The following ZHX3 variants were observed in gnomAD, a reference collection of about 807,000 sequenced individuals.
The protein encoded by ZHX3 is zinc fingers and homeoboxes 3, also known as zinc fingers and homeoboxes protein 3.
In ZHX3, 20 loss-of-function variants were observed where a neutral mutation model predicts 64.5. That is an observed-to-expected ratio of 0.31 (90% CI 0.22 to 0.45). The LOEUF is 0.45. Among genes scored for constraint, ZHX3 ranks in the 20% least tolerant of loss-of-function variants. The probability of loss-of-function intolerance (pLI) is 1.00; values close to 1 mark genes in which losing one functional copy is unlikely to be tolerated. For missense variants in ZHX3, 1,041 were observed against 1,195.8 expected, an observed-to-expected ratio of 0.87 and a Z score of 1.91; for synonymous variants, 423 against 461.6, an observed-to-expected ratio of 0.92 and a Z score of 1.07.
At chr20:41,292,037 A>AAG (rs56845073) in intron 1 of ZHX3, among the ~76,000 whole-genome samples, 1 of 147,984 alleles carries the variant, frequency 6.8e-6, no homozygotes, top group Admixed American at 6.7e-5. Context: ...AAAAAAAAAA[A>AAG]GAGTTCTATA....
At chr20:41,284,448 C>T (rs1321355321) in intron 1 of ZHX3, among the ~76,000 whole-genome samples, 1 of 152,128 alleles carries the variant, frequency 6.6e-6, no homozygotes, top group East Asian at 1.9e-4. Context: ...TCATCATCTC[C>T]CTTAGGCCTG....
At chr20:41,307,842 A>G (rs2045024043) in intron 1 of ZHX3, among the ~76,000 whole-genome samples, 1 of 152,176 alleles carries the variant, frequency 6.6e-6, no homozygotes, top group African/African-American at 2.4e-5. Context: ...ATCCTATAAC[A>G]TTTTGATTAT....
chr20:41,207,700 T>C (rs1338967817), intron 2 of ZHX3, among the ~76,000 whole-genome samples: 1 of 152,248 alleles, frequency 6.6e-6, no homozygotes, highest in Non-Finnish European at 1.5e-5. Context: ...AAGCAGTGTG[T>C]AGAGGGAAAT....
chr20:41,305,019 A>G (rs530361312), intron 1 of ZHX3, among the ~76,000 whole-genome samples: 2 of 152,378 alleles, frequency 1.3e-5, no homozygotes, highest in Admixed American at 1.3e-4. Flanking sequence ...AACAAGGACC[A>G]TTACACAGAT....
chr20:41,283,121 C>T (rs1461754709), intron 1 of ZHX3, among the ~76,000 whole-genome samples: 1 of 152,124 alleles, frequency 6.6e-6, no homozygotes, highest in Non-Finnish European at 1.5e-5. Flanking sequence ...GTTGCCCAGG[C>T]TGGTCTTGAA....
At position 41,237,673 on chromosome 20, in the gene ZHX3, C is replaced by T. The variant is rs187032683; in HGVS notation, c.-151+31317G>A. Among the ~76,000 whole-genome samples the T allele has an allele frequency of 8.4e-3, 1,284 of 152,160 alleles. 8 individuals carry two copies. Among genetic ancestry groups the T allele is most frequent in the Non-Finnish European group, 0.014 (927 of 67,998 alleles). ...GATATACTTAATGTTAAATGAAGAG[C>T]TAATGGGTGCAGCACACCAACATGG... On this transcript the variant is annotated intron_variant, in intron 2 of 3. Coordinates refer to ENST00000683867, the MANE Select transcript of ZHX3 (RefSeq NM_001384317.1).
At chr20:41,292,952 G>C (rs6029614) in intron 1 of ZHX3, among the ~76,000 whole-genome samples, 7 of 152,328 alleles carry the variant, frequency 4.6e-5, no homozygotes, top group African/African-American at 1.7e-4. Flanking sequence ...AACATACACA[G>C]AGGTGTGCCA....
At chr20:41,216,247 T>C (rs2039526682) in intron 2 of ZHX3, among the ~76,000 whole-genome samples, 1 of 152,210 alleles carries the variant, frequency 6.6e-6, no homozygotes, top group Non-Finnish European at 1.5e-5. Context: ...TTCCACTATT[T>C]AGTGCTAGCA....
chr20:41,297,273 C>T (rs2044580367), intron 1 of ZHX3, among the ~76,000 whole-genome samples: 1 of 152,322 alleles, frequency 6.6e-6, no homozygotes, highest in African/African-American at 2.4e-5. Flanking sequence ...TGTGTTCCCC[C>T]AATAGGCCTG....
At chr20:41,250,312 T>C (rs2041928078) in intron 2 of ZHX3, among the ~76,000 whole-genome samples, 1 of 152,204 alleles carries the variant, frequency 6.6e-6, no homozygotes. Context: ...CTAAACACTG[T>C]GACCGCCTGC....
intron 1 of ZHX3, among the ~76,000 whole-genome samples, chr20:41,312,402 T>C (rs527946740): frequency 6.6e-6 from 1 of 152,328 alleles, no homozygotes; most frequent in East Asian, 1.9e-4. Flanking sequence ...TTTTTCGCTC[T>C]TCACAATAAA....
rs757807682 is a variant in ZHX3 at position 41,304,357 on chromosome 20, CAT to C, written c.-245+13150_-245+13151del. On this transcript the variant is annotated intron_variant, in intron 1 of 3. Transcript: ENST00000683867. ...CTATATCTCCACAGTCCAGACCACT[CAT>C]GTGAGCTCTCCACAATCTGGCTACA... Among the ~76,000 whole-genome samples the C allele has an allele frequency of 3.3e-5, 5 of 152,156 alleles. No homozygotes were observed. In the East Asian group the frequency reaches 7.7e-4, roughly 23 times the overall value.
At chr20:41,285,730 T>G (rs2043905168) in intron 1 of ZHX3, among the ~76,000 whole-genome samples, 1 of 152,252 alleles carries the variant, frequency 6.6e-6, no homozygotes, top group African/African-American at 2.4e-5. Context: ...GTTTTAGCCG[T>G]GCTGTTCACT....
chr20:41,280,874 G>A (rs1052143120), intron 1 of ZHX3, among the ~76,000 whole-genome samples: 6 of 151,000 alleles, frequency 4.0e-5, no homozygotes, highest in African/African-American at 1.2e-4. Flanking sequence ...GATCCAATAT[G>A]TCTAACCCTT....
At chr20:41,284,305 T>C (rs749123365) in intron 1 of ZHX3, among the ~76,000 whole-genome samples, 15 of 152,190 alleles carry the variant, frequency 9.9e-5, no homozygotes, top group Non-Finnish European at 1.6e-4. Context: ...TATTCTCCAA[T>C]TGCTTCAAGT....
intron 1 of ZHX3, among the ~76,000 whole-genome samples, chr20:41,300,319 A>T (rs1278904468): frequency 6.6e-6 from 1 of 152,206 alleles, no homozygotes; most frequent in Non-Finnish European, 1.5e-5. Flanking sequence ...CAGAAAATTG[A>T]GACACTGATT....
rs941741040 is a variant in ZHX3, at chr20:41,226,279, G to A, written c.-150-21213C>T. On this transcript the variant is annotated intron_variant, in intron 2 of 3. Coordinates refer to ENST00000683867, the MANE Select transcript of ZHX3 (RefSeq NM_001384317.1). This position sits in a 1 kb window ranked among gnomAD's most constrained non-coding sequence, Gnocchi z 4.4. The stretch of plus-strand genomic sequence containing the variant: ...GGGCGTGCTGGCGAATGGCATGAAC[G>A]CGGGAGGTGGAGGTTGCAGTAAACT... Among the ~76,000 whole-genome samples the A allele has an allele frequency of 4.6e-5, 7 of 151,994 alleles. No individual in the cohort carries two copies. The highest frequency in any genetic ancestry group is 9.7e-5 in the African/African-American group (4 of 41,394).
At chr20:41,268,087 T>C (rs2042950351) in intron 2 of ZHX3, among the ~76,000 whole-genome samples, 1 of 152,192 alleles carries the variant, frequency 6.6e-6, no homozygotes, top group Admixed American at 6.5e-5. Flanking sequence ...AGAAGTTACA[T>C]TTGTGGGAAA....
In ZHX3 at chr20:41,185,230, T is replaced by C; in HGVS notation, c.2861-29A>G. On this transcript the variant is annotated intron_variant, in intron 3 of 3. Transcript: ENST00000683867. This position sits in a 1 kb window ranked among gnomAD's most constrained non-coding sequence, Gnocchi z 5.0. Reference sequence around the variant, plus strand: ...AGAAGAAAACACATGCCTGTCACTCTACGGCAGCTGCCACCACCTGCCCCC... The same window carrying C: ...AGAAGAAAACACATGCCTGTCACTCCACGGCAGCTGCCACCACCTGCCCCC... 6.3e-7 allele frequency: 1 copy of C among 1,582,446 alleles called. No homozygotes were observed. The highest frequency in any genetic ancestry group is 8.6e-7 in the Non-Finnish European group (1 of 1,161,576).
Sources: gnomAD v4.1 joint callset for allele counts (sites outside exome capture counted in the v4.1 genomes callset) on GRCh38, gnomAD v4.1.1 for gene constraint, Gnocchi (gnomAD v3.1) non-coding constraint, MANE v1.5 for transcripts, NCBI Gene and HGNC (gene_info 2026-07-23, HGNC 2026-07-21) for gene names.